The following FSTL5 variants were observed in gnomAD, a reference collection of about 807,000 sequenced individuals.
The protein encoded by FSTL5 is follistatin-related protein 5.
A neutral mutation model predicts 89.1 loss-of-function variants in FSTL5; 62 were observed. The ratio of observed to expected loss-of-function variants is 0.70; its 90% CI spans 0.57 to 0.86. The LOEUF is 0.86. FSTL5 is among the 40% of genes least tolerant of loss of function. The pLI, the probability that FSTL5 is intolerant of heterozygous loss-of-function variation, is 0.00. For synonymous variants in FSTL5, 383 were observed against 346.2 expected (o/e 1.11, Z -1.18); for missense variants, 1,057 against 1,001.6 (o/e 1.06, Z -0.75).
chr4:162,006,483 T>C (rs1736619710), intron 3 of FSTL5, among the ~76,000 whole-genome samples: 2 of 152,038 alleles, frequency 1.3e-5, no homozygotes, highest in African/African-American at 2.4e-5. Context: ...AAGTGTTCTA[T>C]ATTTCTTGTA....
intron 10 of FSTL5, among the ~76,000 whole-genome samples, chr4:161,524,261 C>T (rs1731131954): frequency 6.6e-6 from 1 of 152,102 alleles, no homozygotes. Context: ...GCCCACCCCG[C>T]CCACCACAAC....
At chr4:161,532,153 G>A (rs1028299651) in intron 10 of FSTL5, among the ~76,000 whole-genome samples, 45 of 151,538 alleles carry the variant, frequency 3.0e-4, no homozygotes, top group African/African-American at 8.5e-4. Context: ...TACAGTGAGC[G>A]GAGATCACGC....
At chr4:161,451,416 A>T (rs988193940) in intron 15 of FSTL5, among the ~76,000 whole-genome samples, 1 of 152,220 alleles carries the variant, frequency 6.6e-6, no homozygotes, top group Non-Finnish European at 1.5e-5. Context: ...AAACAGAAAA[A>T]CTGGAGGAAA....
chr4:162,005,549 A>C, intron 3 of FSTL5, among the ~76,000 whole-genome samples: 1 of 152,146 alleles, frequency 6.6e-6, no homozygotes, highest in Admixed American at 6.5e-5. Context: ...TCCCAAGAAA[A>C]TTCAGAGTTG....
intron 15 of FSTL5, among the ~76,000 whole-genome samples, chr4:161,427,047 A>G (rs1397667893): frequency 6.6e-6 from 1 of 152,234 alleles, no homozygotes; most frequent in Non-Finnish European, 1.5e-5. Flanking sequence ...ATAAGTATAC[A>G]AAATAGAATT....
At chr4:161,724,145 A>G (rs1448691771) in intron 6 of FSTL5, among the ~76,000 whole-genome samples, 4 of 152,166 alleles carry the variant, frequency 2.6e-5, no homozygotes, top group Admixed American at 2.6e-4. Context: ...AAAATCAAAT[A>G]AATAATGTTG....
At chr4:161,835,252 G>A (rs1430950012) in intron 4 of FSTL5, among the ~76,000 whole-genome samples, 1 of 152,054 alleles carries the variant, frequency 6.6e-6, no homozygotes, top group African/African-American at 2.4e-5. Flanking sequence ...CTAGCCATAA[G>A]TAGAAAGCTG....
At chr4:162,098,473 T>C (rs1030249561) in intron 2 of FSTL5, among the ~76,000 whole-genome samples, 8 of 151,996 alleles carry the variant, frequency 5.3e-5, no homozygotes, top group African/African-American at 1.9e-4. Flanking sequence ...GGGCTGTCCA[T>C]TGTATAAAAA....
At chr4:161,951,755 A>G (rs1304835171) in intron 3 of FSTL5, among the ~76,000 whole-genome samples, 1 of 152,108 alleles carries the variant, frequency 6.6e-6, no homozygotes, top group African/African-American at 2.4e-5. Context: ...TTGACTAAAA[A>G]GCTTTGTATG....
intron 4 of FSTL5, among the ~76,000 whole-genome samples, chr4:161,911,136 G>A (rs1022479447): frequency 6.6e-6 from 1 of 151,944 alleles, no homozygotes; most frequent in Non-Finnish European, 1.5e-5. Context: ...AATTATTATG[G>A]ATTTTCGAAA....
intron 4 of FSTL5, among the ~76,000 whole-genome samples, chr4:161,886,945 C>T (rs1165573716): frequency 6.6e-6 from 1 of 152,088 alleles, no homozygotes; most frequent in Non-Finnish European, 1.5e-5. Flanking sequence ...ATAAACTTTA[C>T]TGTTTAAACA....
At chr4:162,040,482 T>C (rs534036340) in intron 2 of FSTL5, among the ~76,000 whole-genome samples, 2 of 152,050 alleles carry the variant, frequency 1.3e-5, no homozygotes, top group Middle Eastern at 3.4e-3. Flanking sequence ...GCACACACTT[T>C]ATCAAAAACA....
At chr4:162,035,654 T>C (rs1737710361) in intron 2 of FSTL5, among the ~76,000 whole-genome samples, 1 of 152,078 alleles carries the variant, frequency 6.6e-6, no homozygotes, top group Non-Finnish European at 1.5e-5. Context: ...AGAATACATA[T>C]ACATTTCTTC....
At chr4:161,883,715 T>C (rs941098571) in intron 4 of FSTL5, among the ~76,000 whole-genome samples, 1 of 152,144 alleles carries the variant, frequency 6.6e-6, no homozygotes, top group Non-Finnish European at 1.5e-5. Context: ...AAAGTGCCAG[T>C]AAGTAAAGGA....
intron 6 of FSTL5, among the ~76,000 whole-genome samples, chr4:161,723,520 T>A (rs6854248): frequency 0.55 from 84,147 of 152,052 alleles, 26,581 homozygotes; most frequent in Non-Finnish European, 0.71. Context: ...TTGCTCCCCA[T>A]TCATATTTCT....
chr4:161,884,639 AC>A (rs764292566), intron 4 of FSTL5, among the ~76,000 whole-genome samples: 1 of 152,166 alleles, frequency 6.6e-6, no homozygotes, highest in Non-Finnish European at 1.5e-5. Flanking sequence ...TTTTTAAATT[AC>A]CTTTATGCTT....
chr4:161,940,820 A>G (rs988701767), intron 3 of FSTL5, among the ~76,000 whole-genome samples: 1 of 134,966 alleles, frequency 7.4e-6, no homozygotes, highest in Non-Finnish European at 1.7e-5. Context: ...CAACATGAAA[A>G]AAACAAAACA....
At chr4:161,415,649 G>T (rs1731746525) in intron 15 of FSTL5, among the ~76,000 whole-genome samples, 1 of 147,456 alleles carries the variant, frequency 6.8e-6, no homozygotes, top group Non-Finnish European at 1.5e-5. Context: ...TATTATAGGG[G>T]ATACATATAT....
intron 3 of FSTL5, among the ~76,000 whole-genome samples, chr4:161,939,615 G>C (rs938698352): frequency 6.6e-6 from 1 of 151,852 alleles, no homozygotes; most frequent in African/African-American, 2.4e-5. Flanking sequence ...AAGGACTGTA[G>C]AGGAAGAATT....
Sources: allele counts gnomAD v4.1 joint callset (sites outside exome capture counted in the v4.1 genomes callset), GRCh38; gene constraint gnomAD v4.1.1; transcripts MANE v1.5; gene names NCBI Gene and HGNC (gene_info 2026-07-23, HGNC 2026-07-21).